LRMDA: variants seen among roughly 807,000 people sequenced by gnomAD.
LRMDA encodes the protein leucine-rich melanocyte differentiation-associated protein.
LRMDA carries 18 observed loss-of-function variants against 29.8 expected under a neutral mutation model. The observed-to-expected ratio is 0.60, with a 90% CI of 0.42 to 0.90. The LOEUF (loss-of-function observed/expected upper bound fraction) is 0.90, where lower values mean the gene tolerates loss of function less well. Among genes scored for constraint, LRMDA ranks in the 40% least tolerant of loss-of-function variants. LRMDA has a pLI of 0.00. For synonymous variants in LRMDA, 125 were observed against 109.4 expected (o/e 1.14, Z -0.89); for missense variants, 273 against 273.9 (o/e 1.00, Z 0.02).
intron 2 of LRMDA, among the ~76,000 whole-genome samples, chr10:75,830,317 C>T (rs1035735930): frequency 5.9e-5 from 9 of 152,186 alleles, no homozygotes; most frequent in Admixed American, 2.0e-4. Context: ...TGGGCCCTGT[C>T]TCCAAGTGCC....
At chr10:75,868,820 G>A (rs1352128043) in intron 2 of LRMDA, among the ~76,000 whole-genome samples, 1 of 152,138 alleles carries the variant, frequency 6.6e-6, no homozygotes, top group East Asian at 1.9e-4. Flanking sequence ...CCTGGCTGAA[G>A]TGCCGTCTCA....
intron 2 of LRMDA, among the ~76,000 whole-genome samples, chr10:75,663,685 A>T (rs1841784210): frequency 1.3e-5 from 2 of 152,070 alleles, no homozygotes; most frequent in African/African-American, 4.8e-5. Flanking sequence ...CTTGGCCTTC[A>T]TTGTCCAGTC....
Position 76,083,770 on chromosome 10 carries a change from G to T in LRMDA, c.516+24987G>T, listed in dbSNP as rs188552018. On this transcript the variant is annotated intron_variant, in intron 5 of 6. Coordinates refer to ENST00000611255, the MANE Select transcript of LRMDA (RefSeq NM_001305581.2). ...AATCACTTGAACCCGACAGGCGAAG[G>T]TTGCAGTGAGCTGAGATCGCGCCAT... is the stretch of plus-strand genomic sequence containing the variant. Among the ~76,000 whole-genome samples, 670 of 148,968 alleles carry T rather than the reference G, an allele frequency of 4.5e-3. 4 individuals carry two copies. Among genetic ancestry groups the T allele is most frequent in the African/African-American group, 0.015 (626 of 40,528 alleles).
intron 2 of LRMDA, among the ~76,000 whole-genome samples, chr10:76,028,789 A>G (rs1445359444): frequency 2.6e-5 from 4 of 151,758 alleles, no homozygotes; most frequent in Admixed American, 6.6e-5. Flanking sequence ...TTCCTGTCAC[A>G]AAGATATTAT....
intron 2 of LRMDA, among the ~76,000 whole-genome samples, chr10:75,805,469 G>A (rs1341013949): frequency 6.6e-6 from 1 of 152,240 alleles, no homozygotes; most frequent in African/African-American, 2.4e-5. Flanking sequence ...CAAGCCAACA[G>A]AGTAGACATT....
At chr10:75,877,125 G>C (rs114282354) in intron 2 of LRMDA, among the ~76,000 whole-genome samples, 8,336 of 152,252 alleles carry the variant, frequency 0.055, 284 homozygotes, top group East Asian at 0.099. Flanking sequence ...GCTAGAACCT[G>C]TCTGCCTGAA....
chr10:76,111,744 C>T (rs1002764258), intron 5 of LRMDA, among the ~76,000 whole-genome samples: 1 of 152,120 alleles, frequency 6.6e-6, no homozygotes, highest in Non-Finnish European at 1.5e-5. Flanking sequence ...TAAAATAAAC[C>T]TCCAACCATG....
chr10:75,844,036 T>G (rs1048429503), intron 2 of LRMDA, among the ~76,000 whole-genome samples: 1 of 152,124 alleles, frequency 6.6e-6, no homozygotes, highest in Non-Finnish European at 1.5e-5. Context: ...AAAAGTCCCC[T>G]CTCAGTGAGT....
At chr10:76,070,583 C>T (rs1453977171) in intron 5 of LRMDA, among the ~76,000 whole-genome samples, 1 of 152,194 alleles carries the variant, frequency 6.6e-6, no homozygotes, top group Non-Finnish European at 1.5e-5. Flanking sequence ...GGTAGAGTCC[C>T]ATTGCAGGGT....
intron 2 of LRMDA, among the ~76,000 whole-genome samples, chr10:75,785,297 C>G (rs927796220): frequency 6.6e-6 from 1 of 152,090 alleles, no homozygotes; most frequent in Admixed American, 6.6e-5. Context: ...GAAGACAATT[C>G]CAGATAAACC....
chr10:76,231,574 C>T (rs571680826), intron 5 of LRMDA, among the ~76,000 whole-genome samples: 1 of 152,132 alleles, frequency 6.6e-6, no homozygotes. Context: ...CATACCTCAT[C>T]GATGTTTTTC....
chr10:75,719,923 A>G (rs957617823), intron 2 of LRMDA, among the ~76,000 whole-genome samples: 1 of 152,176 alleles, frequency 6.6e-6, no homozygotes, highest in African/African-American at 2.4e-5. Flanking sequence ...TTAATGTTGG[A>G]TGGTTCACGT....
intron 2 of LRMDA, among the ~76,000 whole-genome samples, chr10:75,699,545 C>T (rs1476565046): frequency 1.3e-5 from 2 of 152,152 alleles, no homozygotes; most frequent in African/African-American, 4.8e-5. Context: ...AATTGCCATA[C>T]ATTTTGGTTA....
chr10:75,659,796 C>A (rs1424657316), intron 2 of LRMDA, among the ~76,000 whole-genome samples: 1 of 152,064 alleles, frequency 6.6e-6, no homozygotes, highest in African/African-American at 2.4e-5. Flanking sequence ...GTGTCTCCCC[C>A]TCCTTCTCTT....
intron 5 of LRMDA, among the ~76,000 whole-genome samples, chr10:76,080,425 A>G (rs1273746422): frequency 1.3e-5 from 2 of 152,214 alleles, no homozygotes; most frequent in African/African-American, 2.4e-5. Flanking sequence ...ACACTGAGCT[A>G]TACTGAGACA....
chr10:75,493,053 A>G (rs1589159421), intron 2 of LRMDA, among the ~76,000 whole-genome samples: 1 of 152,144 alleles, frequency 6.6e-6, no homozygotes, highest in East Asian at 1.9e-4. Flanking sequence ...TTTACTTTGC[A>G]CTGCATTGCA....
intron 5 of LRMDA, among the ~76,000 whole-genome samples, chr10:76,175,758 A>G (rs1850922487): frequency 6.6e-6 from 1 of 152,194 alleles, no homozygotes; most frequent in Admixed American, 6.5e-5. Context: ...CAGACCCTGC[A>G]AACAATCTAT....
intron 2 of LRMDA, among the ~76,000 whole-genome samples, chr10:75,836,232 G>C (rs964112214): frequency 6.6e-6 from 1 of 152,284 alleles, no homozygotes; most frequent in South Asian, 2.1e-4. Flanking sequence ...GCTTTTGCTA[G>C]ATTCTTGCAG....
At chr10:76,131,218 C>T (rs1016754785) in intron 5 of LRMDA, among the ~76,000 whole-genome samples, 1 of 152,152 alleles carries the variant, frequency 6.6e-6, no homozygotes, top group Non-Finnish European at 1.5e-5. Flanking sequence ...CTTCTTCTGT[C>T]TCTGCCTTTT....
Sources: allele counts gnomAD v4.1 joint callset (sites outside exome capture counted in the v4.1 genomes callset), GRCh38; gene constraint gnomAD v4.1.1; transcripts MANE v1.5; gene names NCBI Gene and HGNC (gene_info 2026-07-23, HGNC 2026-07-21).